The following BTBD3 variants were observed in gnomAD, a reference collection of about 807,000 sequenced individuals.
BTBD3 encodes BTB/POZ domain-containing protein 3.
In BTBD3, 14 loss-of-function variants were observed where a neutral mutation model predicts 41.6. The ratio of observed to expected loss-of-function variants is 0.34; its 90% CI spans 0.22 to 0.53. The LOEUF (loss-of-function observed/expected upper bound fraction) is 0.53, where lower values mean the gene tolerates loss of function less well. BTBD3 is among the 20% of genes least tolerant of loss of function. The pLI, the probability that BTBD3 is intolerant of heterozygous loss-of-function variation, is 0.95. For synonymous variants in BTBD3, 249 were observed against 233.7 expected, an observed-to-expected ratio of 1.07 and a Z score of -0.60; for missense variants, 426 against 654.7, an observed-to-expected ratio of 0.65 and a Z score of 3.81.
In BTBD3 at chr20:11,922,732, G is replaced by A; in HGVS notation, c.635G>A (p.Cys212Tyr). The A allele has an allele frequency of 6.2e-7, 1 of 1,614,228 alleles. No homozygotes were observed. Among genetic ancestry groups the A allele is most frequent in the Non-Finnish European group, 8.5e-7 (1 of 1,180,052 alleles). ...KYIVPHLARACVNFLETSLSA... is the reference protein window; with the variant it reads ...KYIVPHLARAYVNFLETSLSA... ...ATTGTCCCTCACCTTGCCAGAGCCT[G>A]TGTTAATTTCCTGGAGACCAGCCTG... Residue 212 changes from cysteine to tyrosine, a missense_variant, in exon 4 of 4, where the codon TGT (cysteine) becomes TAT (tyrosine). Coordinates refer to ENST00000378226, the MANE Select transcript of BTBD3 (RefSeq NM_014962.4).
chr20:11,923,056 T>A lies in BTBD3; in HGVS notation c.959T>A (p.Ile320Asn). 6.2e-7 allele frequency: 1 copy of A among 1,614,052 alleles called. No individual in the cohort carries two copies. Among genetic ancestry groups the A allele is most frequent in the Non-Finnish European group, 8.5e-7 (1 of 1,180,040 alleles). ...RKVLGKALYL[I>N]RIPTMALDDF... ...GTTCTAGGAAAGGCACTTTACTTGA[T>A]CCGCATACCCACAATGGCCCTCGAT... Residue 320 changes from isoleucine to asparagine, a missense_variant, in exon 4 of 4, where the codon ATC becomes AAC. By Grantham distance (149) the Ile-to-Asn change is moderately radical. This residue lies in a region of BTBD3 where 321 missense variants were observed against 534.8 expected (regional missense o/e 0.60). Coordinates refer to ENST00000378226, the MANE Select transcript of BTBD3 (RefSeq NM_014962.4). This position sits in a 1 kb window ranked among gnomAD's most constrained non-coding sequence, Gnocchi z 5.3.
intron 1 of BTBD3, among the ~76,000 whole-genome samples, chr20:11,898,198 A>G (rs2056800301): frequency 6.6e-6 from 1 of 152,012 alleles, no homozygotes; most frequent in Non-Finnish European, 1.5e-5. Context: ...AAAGCCCTAC[A>G]TGATCTGATT....
In BTBD3 at chr20:11,919,799, C is replaced by G; in HGVS notation, c.499C>G (p.Pro167Ala). ...LAEDKDEIRIPDVEPAAFLAM... is the reference protein window; with the variant it reads ...LAEDKDEIRIADVEPAAFLAM... ...AGAGGACAAAGATGAAATCCGTATA[C>G]CAGATGTCGAACCTGCTGCTTTTCT... Residue 167 changes from proline to alanine, a missense_variant, in exon 3 of 4, where the codon CCA becomes GCA. By Grantham distance (27) the Pro-to-Ala change is conservative. This residue lies in a region of BTBD3 where 321 missense variants were observed against 534.8 expected (regional missense o/e 0.60). Transcript: ENST00000378226. The G allele has an allele frequency of 1.2e-6, 2 of 1,614,116 alleles. No homozygotes were observed. The highest frequency in any genetic ancestry group is 1.7e-6 in the Non-Finnish European group (2 of 1,179,992).
intron 2 of BTBD3, 119 bp from the exon 3 acceptor site, chr20:11,919,599 A>T (rs992580981): frequency 8.3e-7 from 1 of 1,211,364 alleles, no homozygotes; most frequent in African/African-American, 1.5e-5. Context: ...TTTTCAAAGC[A>T]GTAGATTTTA....
intron 1 of BTBD3, among the ~76,000 whole-genome samples, chr20:11,899,627 A>G (rs2056811815): frequency 6.6e-6 from 1 of 151,934 alleles, no homozygotes; most frequent in Non-Finnish European, 1.5e-5. Flanking sequence ...TACATAGGTA[A>G]ATGTGTGCCA....
rs2056934520 is a variant in BTBD3 at position 11,918,316 on chromosome 20, T to C, written c.41T>C (p.Phe14Ser). 6.2e-7 allele frequency: 1 copy of C among 1,608,016 alleles called. No individual in the cohort carries two copies. Among genetic ancestry groups the C allele is most frequent in the Non-Finnish European group, 8.5e-7 (1 of 1,178,112 alleles). ...DKEKNMKCLT[F>S]FLMLPETVKN... ...GAAAAGAACATGAAATGTCTCACCT[T>C]CTTCTTGATGCTTCCAGAGACGGTA... Residue 14 changes from phenylalanine (F) to serine (S), a missense_variant, in exon 1 of 4, where the codon TTC becomes TCC. This residue lies in a region of BTBD3 where 53 missense variants were observed against 74.8 expected (regional missense o/e 0.71). Coordinates refer to ENST00000378226, the MANE Select transcript of BTBD3 (RefSeq NM_014962.4).
Position 11,918,044 on chromosome 20 carries a change from A to G in BTBD3, c.-232A>G. ...AGGAAACAGTTATTTTTATGAGCAA[A>G]TAAGAGAAACAGGAATCATGATGGG... is the stretch of plus-strand genomic sequence containing the variant. On this transcript the variant is annotated 5_prime_UTR_variant, in exon 1 of 4. Transcript: ENST00000378226. The G allele has an allele frequency of 2.4e-6, 3 of 1,267,406 alleles. No homozygotes were observed. Among genetic ancestry groups the G allele is most frequent in the African/African-American group, 1.5e-5 (1 of 65,720 alleles). The allele number at this position is 1,267,406 out of a possible 1,614,324, so 78.5% of individuals were successfully genotyped here. A position where few individuals can be genotyped will look rare whatever the true frequency, so the allele number is the denominator to read the frequency against.
At chr20:11,913,192 T>G (rs1332812821), upstream of BTBD3, 1 of 152,156 alleles carries the variant, frequency 6.6e-6, no homozygotes, top group Non-Finnish European at 1.5e-5. Context: ...TAGTAAACCA[T>G]GTACAAGTCC....
intron 1 of BTBD3, among the ~76,000 whole-genome samples, chr20:11,904,864 G>A (rs982910196): frequency 6.6e-6 from 1 of 152,118 alleles, no homozygotes; most frequent in South Asian, 2.1e-4. Context: ...ATCGATGAAC[G>A]TTTTGTACTC....
Position 11,922,637 on chromosome 20 carries a change from T to A in BTBD3, c.540T>A (p.Tyr180Ter), listed in dbSNP as rs575631924. The A allele has an allele frequency of 6.2e-7, 1 of 1,611,578 alleles. No individual in the cohort carries two copies. Reference sequence around the variant, plus strand: ...ACATGTTATGTGCTTTTTACAGATATATCTATTGTGATGAAATTGACTTGG... The same window carrying A: ...ACATGTTATGTGCTTTTTACAGATAAATCTATTGTGATGAAATTGACTTGG... Reference protein sequence around the residue: ...EPAAFLAMLKYIYCDEIDLAA... With the variant: ...EPAAFLAMLK The change falls in exon 4 of 4, where the codon TAT becomes TAA. Residue 180 changes from tyrosine (Y) to a stop codon, truncating the protein, a stop_gained. Transcript: ENST00000378226. LOFTEE classifies it high-confidence loss of function.
At chr20:11,910,221 A>G (rs1038352159) in intron 1 of BTBD3, 9 of 129,502 alleles carry the variant, frequency 6.9e-5, no homozygotes, top group Non-Finnish European at 1.2e-4. Flanking sequence ...TCTTTCGAAT[A>G]TCAGAAAAAA....
chr20:11,923,594 G>T lies in BTBD3; in HGVS notation c.1497G>T (p.Gln499His). ...VQCGKVTVQF[Q>H]CSSDSTNGTG... ...GTGGCAAAGTGACTGTCCAGTTTCAGTGCTCCTCAGATAGCACCAATGGCA... is the reference window on the plus strand; with the variant it reads ...GTGGCAAAGTGACTGTCCAGTTTCATTGCTCCTCAGATAGCACCAATGGCA... The change falls in exon 4 of 4, where the codon CAG (glutamine) becomes CAT (histidine). Residue 499 changes from glutamine (Q) to histidine (H), a missense_variant. Around this residue, in one of 3 missense-constraint regions of BTBD3, gnomAD observed 321 missense variants for 534.8 expected, o/e 0.60. Transcript: ENST00000378226. This position sits in a 1 kb window ranked among gnomAD's most constrained non-coding sequence, Gnocchi z 5.3. 6.2e-7 allele frequency: 1 copy of T among 1,614,090 alleles called. No homozygotes were observed. Among genetic ancestry groups the T allele is most frequent in the Non-Finnish European group, 8.5e-7 (1 of 1,180,006 alleles).
At position 11,925,029 on chromosome 20, in the gene BTBD3, T is replaced by C. The variant is rs1169148804; in HGVS notation, c.*1363T>C. 2 of 152,684 alleles carry C rather than the reference T, an allele frequency of 1.3e-5. No homozygotes were observed. The highest frequency in any genetic ancestry group is 4.8e-5 in the African/African-American group (2 of 41,454). The allele number at this position is 152,684 out of a possible 1,614,324, so 9.5% of individuals were successfully genotyped here. On this transcript the variant is annotated 3_prime_UTR_variant, in exon 4 of 4. Transcript: ENST00000378226. ...TGCCTGTGTCCCTGGCAGTGTCCAG[T>C]GTGTTCACTTCCAGTTGAAGTATCC... is the stretch of plus-strand genomic sequence containing the variant.
At chr20:11,892,038 T>G (rs1427652412) in intron 1 of BTBD3, among the ~76,000 whole-genome samples, 1 of 152,146 alleles carries the variant, frequency 6.6e-6, no homozygotes, top group Non-Finnish European at 1.5e-5. Context: ...TATAAGAAAG[T>G]CAAGGCTTTA....
chr20:11,916,745 T>C (rs561108251), upstream of BTBD3, among the ~76,000 whole-genome samples: 1 of 152,308 alleles, frequency 6.6e-6, no homozygotes, highest in Admixed American at 6.5e-5. Context: ...AGGGCTGTGG[T>C]CATGAAGGGT....
intron 1 of BTBD3, among the ~76,000 whole-genome samples, chr20:11,902,599 C>T (rs1182537146): frequency 6.6e-6 from 1 of 152,202 alleles, no homozygotes; most frequent in Non-Finnish European, 1.5e-5. Context: ...TGATTAGCAT[C>T]ATATGGCACT....
intron 1 of BTBD3, among the ~76,000 whole-genome samples, chr20:11,903,310 C>T (rs796232365): frequency 8.5e-5 from 13 of 152,214 alleles, no homozygotes; most frequent in African/African-American, 3.1e-4. Context: ...CATTGGCAGC[C>T]ATGCTTGCTT....
chr20:11,919,316 T>G, intron 2 of BTBD3, 140 bp downstream of exon 2: 1 of 1,362,510 alleles, frequency 7.3e-7, no homozygotes, highest in Admixed American at 3.0e-5. Context: ...GCGCACCCTC[T>G]CCAGAGGGCT....
chr20:11,894,272 A>G (rs1187446889), intron 1 of BTBD3, among the ~76,000 whole-genome samples: 1 of 152,228 alleles, frequency 6.6e-6, no homozygotes, highest in African/African-American at 2.4e-5. Flanking sequence ...CTGAAAGTTT[A>G]AATATTTCGG....
Sources: gnomAD v4.1 joint callset for allele counts (sites outside exome capture counted in the v4.1 genomes callset) on GRCh38, gnomAD v4.1.1 for gene constraint, gnomAD v4.1.1 regional missense constraint, Gnocchi (gnomAD v3.1) non-coding constraint, MANE v1.5 for transcripts, NCBI Gene and HGNC (gene_info 2026-07-23, HGNC 2026-07-21) for gene names.